The following EYS variants were observed in gnomAD, a reference collection of about 807,000 sequenced individuals.
EYS encodes protein eyes shut homolog.
Under a neutral mutation model 282.1 loss-of-function variants are expected in EYS, and 250 were observed. The ratio of observed to expected loss-of-function variants is 0.89; its 90% CI spans 0.80 to 0.98. EYS has a LOEUF of 0.98. Among genes scored for constraint, EYS ranks in the 50% least tolerant of loss-of-function variants. EYS has a pLI of 0.00. For synonymous variants in EYS, 1,355 were observed against 1,282.9 expected (o/e 1.06, Z -1.20); for missense variants, 4,016 against 3,709.0 (o/e 1.08, Z -2.15).
chr6:65,535,485 T>C (rs1438982538), intron 2 of EYS, among the ~76,000 whole-genome samples: 1 of 152,156 alleles, frequency 6.6e-6, no homozygotes, highest in Non-Finnish European at 1.5e-5. Flanking sequence ...TGCTTCTCCT[T>C]TGCCTTCTGC....
At chr6:64,079,769 G>A (rs1053835208) in intron 32 of EYS, among the ~76,000 whole-genome samples, 5 of 152,016 alleles carry the variant, frequency 3.3e-5, no homozygotes, top group Non-Finnish European at 2.9e-5. Flanking sequence ...TCCCCTTCCT[G>A]TGTCCAAGTG....
intron 26 of EYS, among the ~76,000 whole-genome samples, chr6:64,452,677 C>A (rs999621829): frequency 6.6e-6 from 1 of 152,112 alleles, no homozygotes; most frequent in African/African-American, 2.4e-5. Context: ...ACCAATGGAA[C>A]AGAATAGAGC....
intron 14 of EYS, among the ~76,000 whole-genome samples, chr6:64,962,987 A>G (rs931387099): frequency 6.6e-6 from 1 of 152,160 alleles, no homozygotes; most frequent in African/African-American, 2.4e-5. Context: ...GGACTATTTG[A>G]ATGATATTTT....
intron 24 of EYS, among the ~76,000 whole-genome samples, chr6:64,615,446 T>C (rs1767242603): frequency 6.6e-6 from 1 of 152,112 alleles, no homozygotes; most frequent in African/African-American, 2.4e-5. Context: ...GTGCTACAAA[T>C]ATTTTATCAA....
intron 19 of EYS, among the ~76,000 whole-genome samples, chr6:64,864,385 C>CTTTTTTTCTTTTTTTTT (rs1766349412): frequency 1.7e-5 from 1 of 57,166 alleles, no homozygotes. Flanking sequence ...GCTATACCTT[C>CTTTTTTTCTTTTTTTTT]TTTTTTTTTT....
At chr6:64,974,978 T>G (rs1770427341) in intron 14 of EYS, among the ~76,000 whole-genome samples, 1 of 151,910 alleles carries the variant, frequency 6.6e-6, no homozygotes, top group Non-Finnish European at 1.5e-5. Context: ...GACAGCAGGC[T>G]CATGGTTAAA....
At chr6:65,386,181 C>CAA in intron 7 of EYS, among the ~76,000 whole-genome samples, 1 of 126,740 alleles carries the variant, frequency 7.9e-6, no homozygotes. Flanking sequence ...TTTATTGATC[C>CAA]AAAAAAAAAA....
At chr6:63,740,140 A>G (rs981341454) in intron 41 of EYS, among the ~76,000 whole-genome samples, 15 of 152,326 alleles carry the variant, frequency 9.8e-5, no homozygotes, top group Admixed American at 8.5e-4. Context: ...CCAGATGTTA[A>G]TTAAGACCCT....
chr6:64,406,059 G>C, intron 28 of EYS, among the ~76,000 whole-genome samples: 1 of 151,972 alleles, frequency 6.6e-6, no homozygotes, highest in Non-Finnish European at 1.5e-5. Flanking sequence ...ACTTCAAACT[G>C]TACTACAAGT....
At chr6:64,478,234 ATTAT>A (rs1776332391) in intron 26 of EYS, among the ~76,000 whole-genome samples, 1 of 149,500 alleles carries the variant, frequency 6.7e-6, no homozygotes, top group African/African-American at 2.6e-5. Flanking sequence ...TTATTAATAT[ATTAT>A]GTTTTCAATC....
chr6:65,157,484 C>T (rs1157352751), intron 12 of EYS, among the ~76,000 whole-genome samples: 1 of 150,612 alleles, frequency 6.6e-6, no homozygotes, highest in Non-Finnish European at 1.5e-5. Context: ...TTATTGCCTA[C>T]TCAGTCATAG....
chr6:64,165,419 A>C (rs575209227), intron 31 of EYS, among the ~76,000 whole-genome samples: 34 of 152,238 alleles, frequency 2.2e-4, no homozygotes, highest in Non-Finnish European at 3.8e-4. Flanking sequence ...ATGAAACCTT[A>C]AACTGTTCTT....
At chr6:64,782,695 A>C (rs1773897533) in intron 22 of EYS, among the ~76,000 whole-genome samples, 1 of 152,222 alleles carries the variant, frequency 6.6e-6, no homozygotes, top group Admixed American at 6.5e-5. Context: ...TAACCAATGC[A>C]TCTGATTATA....
chr6:63,946,720 T>A (rs1188867035), intron 35 of EYS, among the ~76,000 whole-genome samples: 2 of 141,614 alleles, frequency 1.4e-5, no homozygotes, highest in Non-Finnish European at 1.5e-5. Context: ...TCTGGTTTTA[T>A]GAACTATTTT....
chr6:64,648,767 G>A (rs1481065669), intron 22 of EYS, among the ~76,000 whole-genome samples: 1 of 152,186 alleles, frequency 6.6e-6, no homozygotes, highest in Non-Finnish European at 1.5e-5. Context: ...TCTGGAGGGG[G>A]AAAAGTAGAA....
intron 42 of EYS, among the ~76,000 whole-genome samples, chr6:63,723,866 A>G (rs77966177): frequency 0.043 from 6,530 of 150,652 alleles, 262 homozygotes; most frequent in South Asian, 0.11. Flanking sequence ...CTGTCCCCCA[A>G]GCTGGAGTGC....
intron 11 of EYS, among the ~76,000 whole-genome samples, chr6:65,333,983 T>C (rs1258078150): frequency 2.0e-5 from 3 of 151,586 alleles, no homozygotes; most frequent in African/African-American, 7.3e-5. Flanking sequence ...AAACCATATA[T>C]ATATATATAC....
At chr6:65,434,763 C>T (rs1768013342) in intron 5 of EYS, among the ~76,000 whole-genome samples, 1 of 152,110 alleles carries the variant, frequency 6.6e-6, no homozygotes, top group Admixed American at 6.6e-5. Flanking sequence ...TTGACATATG[C>T]TACTCTTTAT....
intron 8 of EYS, among the ~76,000 whole-genome samples, chr6:65,372,165 C>G (rs929214556): frequency 3.3e-5 from 5 of 151,744 alleles, no homozygotes; most frequent in Admixed American, 6.6e-5. Flanking sequence ...TAAACAGAAT[C>G]CTTATATATA....
Sources: allele counts gnomAD v4.1 joint callset (sites outside exome capture counted in the v4.1 genomes callset), GRCh38; gene constraint gnomAD v4.1.1; transcripts MANE v1.5; gene names NCBI Gene and HGNC (gene_info 2026-07-23, HGNC 2026-07-21).